The following BPIFA3 variants were observed in gnomAD, a reference collection of about 807,000 sequenced individuals.
The protein encoded by BPIFA3 is BPI fold containing family A member 3, also known as BPI fold-containing family A member 3.
Under a neutral mutation model 29.7 loss-of-function variants are expected in BPIFA3, and 32 were observed. The observed-to-expected ratio is 1.08, with a 90% CI of 0.81 to 1.45. BPIFA3 has a LOEUF of 1.45. Ranked by LOEUF, BPIFA3 falls within the 40% of genes most tolerant of loss-of-function variation. The pLI, the probability that BPIFA3 is intolerant of heterozygous loss-of-function variation, is 0.00. For synonymous variants in BPIFA3, 112 were observed against 113.7 expected (o/e 0.98, Z 0.10); for missense variants, 323 against 311.3 (o/e 1.04, Z -0.28).
chr20:33,220,951 C>T (rs2146483414), intron 1 of BPIFA3, among the ~76,000 whole-genome samples: 1 of 152,240 alleles, frequency 6.6e-6, no homozygotes, highest in East Asian at 1.9e-4. Context: ...CACATTAAGC[C>T]TGTTCCTTAT....
At chr20:33,227,417 T>A in intron 6 of BPIFA3, 121 bp from the exon 7 acceptor site, 6 of 752,724 alleles carry the variant, frequency 8.0e-6, no homozygotes, top group South Asian at 1.7e-5. Flanking sequence ...TTGGGGAGGG[T>A]TTTCACGTGA....
At chr20:33,226,170 A>G in intron 4 of BPIFA3, 1 of 455,420 alleles carries the variant, frequency 2.2e-6, no homozygotes, top group Non-Finnish European at 3.9e-6. Flanking sequence ...GTGTAAGGGA[A>G]AGACTCTGGA....
In BPIFA3 at chr20:33,223,862, T is replaced by C. The variant is rs201261464; in HGVS notation, c.179T>C (p.Ile60Thr). Residue 60 changes from isoleucine (I) to threonine (T), a missense_variant, in exon 2 of 7, where the codon ATC (isoleucine) becomes ACC (threonine). By Grantham distance (89) the Ile-to-Thr change is moderately conservative (BLOSUM62 -1). Transcript: ENST00000375454. ...KHNAESRIQN[I>T]HFGDRLNASA... ...AACGCAGAAAGCCGAATTCAGAACATCCACTTTGGGGACAGACTGAATGCC... is the reference window on the plus strand; with the variant it reads ...AACGCAGAAAGCCGAATTCAGAACACCCACTTTGGGGACAGACTGAATGCC... 6.2e-7 allele frequency: 1 copy of C among 1,614,132 alleles called. No homozygotes were observed. Among genetic ancestry groups the C allele is most frequent in the East Asian group, 2.2e-5 (1 of 44,886 alleles).
At chr20:33,223,543 G>A in intron 1 of BPIFA3, 1 of 379,396 alleles carries the variant, frequency 2.6e-6, no homozygotes, top group African/African-American at 2.0e-5. Context: ...GAAATACAGT[G>A]TTGGGTGAAC....
chr20:33,219,181 A>C (rs748853537), intron 1 of BPIFA3, among the ~76,000 whole-genome samples: 9 of 152,178 alleles, frequency 5.9e-5, no homozygotes, highest in Non-Finnish European at 1.3e-4. Context: ...CTGGCATTAC[A>C]AGTGTAAGCC....
chr20:33,220,523 A>G (rs1191491138), intron 1 of BPIFA3, among the ~76,000 whole-genome samples: 4 of 152,194 alleles, frequency 2.6e-5, no homozygotes, highest in African/African-American at 4.8e-5. Flanking sequence ...AGATTTTACT[A>G]TATATCCCAT....
At chr20:33,218,364 C>T (rs1210206609) in intron 1 of BPIFA3, among the ~76,000 whole-genome samples, 1 of 152,234 alleles carries the variant, frequency 6.6e-6, no homozygotes, top group African/African-American at 2.4e-5. Flanking sequence ...GTGTGGTCTA[C>T]ACGTGCTCCA....
At chr20:33,227,428 A>G in intron 6 of BPIFA3, 110 bp from the exon 7 acceptor site, 1 of 885,420 alleles carries the variant, frequency 1.1e-6, no homozygotes, top group Admixed American at 1.9e-5. Flanking sequence ...TTTCACGTGA[A>G]CGCTCCCGGC....
intron 3 of BPIFA3, among the ~76,000 whole-genome samples, chr20:33,224,867 G>A (rs1326330803): frequency 6.6e-6 from 1 of 152,132 alleles, no homozygotes; most frequent in African/African-American, 2.4e-5. Context: ...AACTCTCAAC[G>A]TTTGAATTTC....
Position 33,224,461 on chromosome 20 carries a change from C to A in BPIFA3, c.385C>A (p.Pro129Thr), listed in dbSNP as rs776026239. The A allele has an allele frequency of 2.5e-6, 4 of 1,608,776 alleles. No homozygotes were observed. The Admixed American group carries it at 6.7e-5, about 27-fold the overall frequency. The change falls in exon 3 of 7, where the codon CCG becomes ACG. Residue 129 changes from proline (P) to threonine (T), a missense_variant and splice_region_variant. Coordinates refer to ENST00000375454, the MANE Select transcript of BPIFA3 (RefSeq NM_178466.5). ...ACTTGAATTTGACCTTGAATTGAGACCGTGAGTCATACAGAAGCAGAATCT... is the reference window on the plus strand; with the variant it reads ...ACTTGAATTTGACCTTGAATTGAGAACGTGAGTCATACAGAAGCAGAATCT... ...ISLEFDLELR[P>T]SFDNNIVKMC... is the part of the protein sequence containing the mutation.
At chr20:33,219,666 T>C (rs948577718) in intron 1 of BPIFA3, among the ~76,000 whole-genome samples, 1 of 152,222 alleles carries the variant, frequency 6.6e-6, no homozygotes, top group Non-Finnish European at 1.5e-5. Context: ...AAAATGAGGA[T>C]TCACTGCTGA....
chr20:33,220,682 C>T (rs1405566378), intron 1 of BPIFA3, among the ~76,000 whole-genome samples: 2 of 152,170 alleles, frequency 1.3e-5, no homozygotes, highest in African/African-American at 4.8e-5. Context: ...GGAAGGAAAG[C>T]TGTTGACTTC....
At chr20:33,227,138 A>C in intron 6 of BPIFA3, 145 bp downstream of exon 6, 1 of 697,056 alleles carries the variant, frequency 1.4e-6, no homozygotes, top group South Asian at 1.7e-5. Flanking sequence ...CCATATTATG[A>C]TGACCACACT....
At chr20:33,219,289 C>T (rs147175269) in intron 1 of BPIFA3, among the ~76,000 whole-genome samples, 1 of 152,148 alleles carries the variant, frequency 6.6e-6, no homozygotes, top group East Asian at 1.9e-4. Context: ...TCCTCTTTGA[C>T]TTGAAGAGAC....
At chr20:33,219,569 C>T (rs187647129) in intron 1 of BPIFA3, among the ~76,000 whole-genome samples, 25 of 152,234 alleles carry the variant, frequency 1.6e-4, no homozygotes, top group African/African-American at 5.8e-4. Flanking sequence ...TTTATGTATG[C>T]CTGTGTATGT....
At chr20:33,219,533 A>T (rs1985414052) in intron 1 of BPIFA3, among the ~76,000 whole-genome samples, 1 of 152,086 alleles carries the variant, frequency 6.6e-6, no homozygotes, top group Admixed American at 6.5e-5. Flanking sequence ...CACATTTAAG[A>T]TTTTAACCCA....
intron 1 of BPIFA3, among the ~76,000 whole-genome samples, chr20:33,220,536 G>A (rs940313532): frequency 2.0e-5 from 3 of 152,094 alleles, no homozygotes; most frequent in East Asian, 1.9e-4. Flanking sequence ...TATCCCATAA[G>A]AGAATTTTAA....
At chr20:33,222,112 T>TA (rs926680120) in intron 1 of BPIFA3, among the ~76,000 whole-genome samples, 5 of 152,154 alleles carry the variant, frequency 3.3e-5, no homozygotes, top group Non-Finnish European at 4.4e-5. Context: ...GCTTACACAA[T>TA]AAAAAAAGTT....
rs761076464 is a variant in BPIFA3, at chr20:33,226,965, G to A, written c.657G>A (p.Leu219=). 4 of 1,614,126 alleles carry A rather than the reference G, an allele frequency of 2.5e-6. No individual in the cohort carries two copies. Among genetic ancestry groups the A allele is most frequent in the South Asian group, 2.2e-5 (2 of 91,082 alleles). The change falls in exon 6 of 7, where the codon CTG becomes CTA. Residue 219 remains leucine (L), a synonymous_variant. Coordinates refer to ENST00000375454, the MANE Select transcript of BPIFA3 (RefSeq NM_178466.5). ...CPLIGEILGQ[L]DVKLLKSLIE... ...TGATCGGTGAAATCCTCGGGCAGCT[G>A]GATGTGAAACTGTTGAAAAGCCTCA...
Sources: allele counts gnomAD v4.1 joint callset (sites outside exome capture counted in the v4.1 genomes callset), GRCh38; gene constraint gnomAD v4.1.1; transcripts MANE v1.5; gene names NCBI Gene and HGNC (gene_info 2026-07-23, HGNC 2026-07-21).